SLC2A13: variants seen among roughly 807,000 people sequenced by gnomAD.
The protein encoded by SLC2A13 is proton myo-inositol cotransporter.
A neutral mutation model predicts 64.4 loss-of-function variants in SLC2A13; 32 were observed. That is an observed-to-expected ratio of 0.50 (90% CI 0.37 to 0.67). SLC2A13 has a LOEUF of 0.67. SLC2A13 is among the 30% of genes least tolerant of loss of function. The probability of loss-of-function intolerance (pLI) is 0.00; values close to 1 mark genes in which losing one functional copy is unlikely to be tolerated. For missense variants in SLC2A13, 743 were observed against 829.2 expected, an observed-to-expected ratio of 0.90 and a Z score of 1.28; for synonymous variants, 338 against 327.1, an observed-to-expected ratio of 1.03 and a Z score of -0.36.
At chr12:40,034,893 A>G (rs569307876) in intron 2 of SLC2A13, among the ~76,000 whole-genome samples, 1 of 152,298 alleles carries the variant, frequency 6.6e-6, no homozygotes, top group East Asian at 1.9e-4. Context: ...TACCCAGCAA[A>G]TATCTCCTGA....
chr12:39,880,774 G>A (rs942497392), intron 4 of SLC2A13, among the ~76,000 whole-genome samples: 2 of 152,112 alleles, frequency 1.3e-5, no homozygotes, highest in African/African-American at 4.8e-5. Flanking sequence ...CATACCTCTG[G>A]CGGCCTCAGG....
chr12:39,890,037 C>T (rs533791607), intron 4 of SLC2A13, among the ~76,000 whole-genome samples: 1 of 152,222 alleles, frequency 6.6e-6, no homozygotes, highest in South Asian at 2.1e-4. Context: ...AAGAAAATTA[C>T]TACATTGGGT....
intron 6 of SLC2A13, among the ~76,000 whole-genome samples, chr12:39,842,357 C>T (rs1342009094): frequency 2.0e-5 from 3 of 152,026 alleles, no homozygotes; most frequent in Non-Finnish European, 4.4e-5. Context: ...GAGACTTGCT[C>T]ATGTCTCTAA....
intron 7 of SLC2A13, among the ~76,000 whole-genome samples, chr12:39,806,984 G>A (rs762177877): frequency 1.2e-4 from 18 of 152,096 alleles, no homozygotes; most frequent in Admixed American, 3.3e-4. Context: ...CAGTCTGTAC[G>A]ATCCTATTTA....
intron 7 of SLC2A13, among the ~76,000 whole-genome samples, chr12:39,823,662 T>C (rs956970415): frequency 6.6e-6 from 1 of 152,138 alleles, no homozygotes; most frequent in Non-Finnish European, 1.5e-5. Flanking sequence ...TTGCCCAGGC[T>C]GGCTTTAAAC....
intron 4 of SLC2A13, among the ~76,000 whole-genome samples, chr12:39,938,450 C>T (rs1255096321): frequency 6.6e-6 from 1 of 151,202 alleles, no homozygotes; most frequent in African/African-American, 2.4e-5. Context: ...CCCCTTCAAT[C>T]CCTAGGTAGG....
chr12:39,816,588 A>G (rs1942347753), intron 7 of SLC2A13, among the ~76,000 whole-genome samples: 2 of 152,076 alleles, frequency 1.3e-5, no homozygotes, highest in South Asian at 4.1e-4. Context: ...TATAATAAAA[A>G]AAAAGAAAGA....
At chr12:39,897,936 C>A (rs1944970639) in intron 4 of SLC2A13, among the ~76,000 whole-genome samples, 1 of 151,884 alleles carries the variant, frequency 6.6e-6, no homozygotes, top group African/African-American at 2.4e-5. Flanking sequence ...ATTTTGAATT[C>A]TTCTACAATA....
chr12:39,984,110 A>G (rs1946979071), intron 3 of SLC2A13, among the ~76,000 whole-genome samples: 1 of 151,046 alleles, frequency 6.6e-6, no homozygotes, highest in African/African-American at 2.4e-5. Flanking sequence ...ATTCTCACTC[A>G]TAGGTGGGAA....
chr12:40,077,392 CATTT>C (rs759869234), intron 1 of SLC2A13, among the ~76,000 whole-genome samples: 19 of 152,150 alleles, frequency 1.2e-4, no homozygotes, highest in Non-Finnish European at 2.6e-4. Flanking sequence ...CTTCAAACAC[CATTT>C]ATTAAATAGG....
intron 6 of SLC2A13, among the ~76,000 whole-genome samples, chr12:39,837,623 T>C (rs28786732): frequency 6.8e-6 from 1 of 147,770 alleles, no homozygotes; most frequent in Non-Finnish European, 1.5e-5. Flanking sequence ...GAATCTACAA[T>C]GAACTCCAAC....
At chr12:39,865,339 C>A (rs959338244) in intron 5 of SLC2A13, among the ~76,000 whole-genome samples, 11 of 152,124 alleles carry the variant, frequency 7.2e-5, no homozygotes, top group Non-Finnish European at 1.5e-4. Context: ...AATTGGTAAA[C>A]CTTTTTAGTT....
chr12:39,820,717 T>TTA (rs11272834), intron 7 of SLC2A13, among the ~76,000 whole-genome samples: 44 of 132,642 alleles, frequency 3.3e-4, no homozygotes, highest in South Asian at 5.3e-4. Flanking sequence ...ATTTTTAAAT[T>TTA]TATATATATA....
intron 2 of SLC2A13, among the ~76,000 whole-genome samples, chr12:40,047,207 C>T (rs1233565718): frequency 6.6e-6 from 1 of 152,076 alleles, no homozygotes; most frequent in Non-Finnish European, 1.5e-5. Context: ...CAGTCCACAC[C>T]CTTTTTTCTT....
intron 4 of SLC2A13, among the ~76,000 whole-genome samples, chr12:39,895,144 C>T (rs1213447950): frequency 6.6e-6 from 1 of 152,066 alleles, no homozygotes; most frequent in Non-Finnish European, 1.5e-5. Flanking sequence ...CCTGGGACTA[C>T]AGGTGCATAT....
At chr12:40,053,711 G>A (rs1001808084) in intron 1 of SLC2A13, among the ~76,000 whole-genome samples, 2 of 152,130 alleles carry the variant, frequency 1.3e-5, no homozygotes, top group African/African-American at 4.8e-5. Flanking sequence ...TTTGGGACTA[G>A]GCAAGTTTAA....
intron 1 of SLC2A13, among the ~76,000 whole-genome samples, chr12:40,076,698 T>C (rs1327200277): frequency 1.3e-5 from 2 of 152,188 alleles, no homozygotes; most frequent in Non-Finnish European, 2.9e-5. Flanking sequence ...CGAATGGTAG[T>C]TCTGTTTTAC....
At chr12:40,047,004 C>T (rs1156924264) in intron 2 of SLC2A13, among the ~76,000 whole-genome samples, 9 of 151,730 alleles carry the variant, frequency 5.9e-5, no homozygotes, top group Non-Finnish European at 8.8e-5. Context: ...AGGGTTCAAG[C>T]GATTCTCCTG....
intron 4 of SLC2A13, among the ~76,000 whole-genome samples, chr12:39,880,715 C>G (rs1944318224): frequency 6.6e-6 from 1 of 152,162 alleles, no homozygotes; most frequent in Non-Finnish European, 1.5e-5. Context: ...CCAATGTTGC[C>G]AATGTGACCT....
Sources: allele counts gnomAD v4.1 joint callset (sites outside exome capture counted in the v4.1 genomes callset), GRCh38; gene constraint gnomAD v4.1.1; transcripts MANE v1.5; gene names NCBI Gene and HGNC (gene_info 2026-07-23, HGNC 2026-07-21).